Variants in ERC1 observed in about 807,000 individuals in gnomAD.
ERC1 encodes the protein ELKS/RAB6-interacting/CAST family member 1.
Under a neutral mutation model 132.0 loss-of-function variants are expected in ERC1, and 56 were observed. That is an observed-to-expected ratio of 0.42 (90% CI 0.34 to 0.53). ERC1 has a LOEUF of 0.53. Ranked by LOEUF, ERC1 falls within the 20% of genes least tolerant of loss-of-function variation. The pLI, the probability that ERC1 is intolerant of heterozygous loss-of-function variation, is 0.03. For synonymous variants in ERC1, 478 were observed against 476.1 expected (o/e 1.00, Z -0.05); for missense variants, 1,202 against 1,349.9 (o/e 0.89, Z 1.72).
At chr12:1,265,247 C>T (rs949337264) in intron 14 of ERC1, among the ~76,000 whole-genome samples, 4 of 152,124 alleles carry the variant, frequency 2.6e-5, no homozygotes, top group African/African-American at 9.7e-5. Context: ...TTTTCTTCTG[C>T]TTTGGCCTCA....
chr12:1,108,188 G>A (rs1945466335), intron 4 of ERC1, among the ~76,000 whole-genome samples: 1 of 152,114 alleles, frequency 6.6e-6, no homozygotes, highest in Admixed American at 6.5e-5. Flanking sequence ...TTTCAGAGCT[G>A]GAGTCATGAT....
chr12:1,450,935 T>C (rs1448455799), intron 18 of ERC1, among the ~76,000 whole-genome samples: 1 of 152,260 alleles, frequency 6.6e-6, no homozygotes. Context: ...CATGTGCTTA[T>C]TGGCCATTTC....
At chr12:1,000,417 C>T (rs529604119) in intron 1 of ERC1, among the ~76,000 whole-genome samples, 11 of 149,906 alleles carry the variant, frequency 7.3e-5, no homozygotes, top group African/African-American at 2.5e-4. Flanking sequence ...ACCCTGGAGG[C>T]GGAGGTTGCA....
chr12:1,241,185 C>T (rs2075766043), intron 13 of ERC1, among the ~76,000 whole-genome samples: 1 of 152,126 alleles, frequency 6.6e-6, no homozygotes, highest in Admixed American at 6.5e-5. Flanking sequence ...TCCCTATAGC[C>T]ACTTTGGTTC....
At chr12:1,320,705 T>C (rs1297120783) in intron 15 of ERC1, among the ~76,000 whole-genome samples, 2 of 152,082 alleles carry the variant, frequency 1.3e-5, no homozygotes, top group Non-Finnish European at 1.5e-5. Context: ...TTTTTTTGGT[T>C]TTTGTTGTTT....
chr12:1,495,727 G>T lies in ERC1; in HGVS notation c.*5497G>T. On this transcript the variant is annotated 3_prime_UTR_variant, in exon 19 of 19. Coordinates refer to ENST00000360905, the MANE Select transcript of ERC1 (RefSeq NM_178040.4). Reference sequence around the variant, plus strand: ...GGTAACAGTAGCAGCCTCCATGGTGGTGTCTGGGATGCACGTGCACCCGCT... The same window carrying T: ...GGTAACAGTAGCAGCCTCCATGGTGTTGTCTGGGATGCACGTGCACCCGCT... The T allele has an allele frequency of 4.5e-6, 1 of 224,686 alleles. No individual in the cohort carries two copies. 13.9% of individuals were successfully genotyped at this position (224,686 alleles called of 1,614,324 possible). A position where few individuals can be genotyped will look rare whatever the true frequency, so the allele number is the denominator to read the frequency against.
chr12:1,081,601 G>A (rs555212887), intron 2 of ERC1, among the ~76,000 whole-genome samples: 208 of 152,208 alleles, frequency 1.4e-3, no homozygotes, highest in African/African-American at 4.7e-3. Flanking sequence ...TCTAAGCCTC[G>A]TGCCCTCATT....
chr12:1,137,311 A>T (rs191627680), intron 7 of ERC1, among the ~76,000 whole-genome samples: 2 of 150,686 alleles, frequency 1.3e-5, no homozygotes, highest in Non-Finnish European at 3.0e-5. Context: ...GTTGGCCAGG[A>T]TGGTCTCTAT....
intron 1 of ERC1, chr12:998,443 T>C (rs1961411468): frequency 6.6e-6 from 1 of 152,210 alleles, no homozygotes; most frequent in African/African-American, 2.4e-5. Context: ...CATGCGGCAA[T>C]TGGCAGGCCT....
At chr12:1,350,756 A>T (rs565431944) in intron 15 of ERC1, among the ~76,000 whole-genome samples, 1 of 152,320 alleles carries the variant, frequency 6.6e-6, no homozygotes, top group South Asian at 2.1e-4. Context: ...TTATAATGTA[A>T]CAAGGTTTAT....
rs751768265 is a variant in ERC1, at chr12:1,028,477, C to T, written c.574C>T (p.Pro192Ser). The change falls in exon 2 of 19, where the codon CCA becomes TCA. Residue 192 changes from proline (P) to serine (S), a missense_variant. Pro to Ser is a moderately conservative substitution (Grantham distance 74). Transcript: ENST00000360905. ...GAATAGCATCAAGACCTTCTGGAGC[C>T]CAGAGCTGAAGAAGGAACGAGCCCT... ...SMNSIKTFWS[P>S]ELKKERALRK... 8 of 1,613,866 alleles carry T rather than the reference C, an allele frequency of 5.0e-6. No homozygotes were observed. The highest frequency in any genetic ancestry group is 6.8e-6 in the Non-Finnish European group (8 of 1,179,956).
chr12:1,289,151 G>A (rs1485203942), intron 14 of ERC1, among the ~76,000 whole-genome samples: 4 of 124,214 alleles, frequency 3.2e-5, no homozygotes, highest in Admixed American at 2.4e-4. Flanking sequence ...AGGTATATAG[G>A]GATATATTTC....
At chr12:1,396,276 G>A (rs1190427219) in intron 16 of ERC1, among the ~76,000 whole-genome samples, 2 of 152,104 alleles carry the variant, frequency 1.3e-5, no homozygotes, top group Admixed American at 6.5e-5. Flanking sequence ...TTTAATAAAG[G>A]AATTTTTATA....
At chr12:1,281,516 T>A (rs1445056920) in intron 14 of ERC1, among the ~76,000 whole-genome samples, 1 of 152,182 alleles carries the variant, frequency 6.6e-6, no homozygotes, top group African/African-American at 2.4e-5. Context: ...TTGCCACATC[T>A]TCTTTGTTAC....
At chr12:1,428,401 T>C (rs1337692245) in intron 17 of ERC1, among the ~76,000 whole-genome samples, 1 of 152,154 alleles carries the variant, frequency 6.6e-6, no homozygotes, top group Non-Finnish European at 1.5e-5. Flanking sequence ...GGTTTCTCCC[T>C]GCACCCTAAT....
At chr12:1,111,821 G>C (rs921774211) in intron 5 of ERC1, among the ~76,000 whole-genome samples, 1 of 151,910 alleles carries the variant, frequency 6.6e-6, no homozygotes, top group Non-Finnish European at 1.5e-5. Flanking sequence ...TGGCCAGGCA[G>C]GTCTCGAACT....
rs542577588 is a variant in ERC1, at chr12:1,180,303, G to A, written c.1738-237G>A. Among the ~76,000 whole-genome samples, 7 of 141,018 alleles carry A rather than the reference G, an allele frequency of 5.0e-5. No homozygotes were observed. In the South Asian group the frequency reaches 1.0e-3, roughly 21 times the overall value. 92.5% of individuals were successfully genotyped at this position (141,018 alleles called of 152,430 possible). On this transcript the variant is annotated intron_variant, in intron 8 of 18. Transcript: ENST00000360905. ...TGTGTGCGCGCACGCGTGTGCGCGC[G>A]CGCATACACATGTGTACTTTTTTTT...
At chr12:1,423,077 T>TAACAA (rs1565407017) in intron 17 of ERC1, among the ~76,000 whole-genome samples, 1 of 152,168 alleles carries the variant, frequency 6.6e-6, no homozygotes, top group Non-Finnish European at 1.5e-5. Flanking sequence ...CAACTCTTTG[T>TAACAA]AAACAGTCAT....
chr12:1,434,242 A>G (rs1173478779), intron 17 of ERC1, among the ~76,000 whole-genome samples: 2 of 152,186 alleles, frequency 1.3e-5, no homozygotes, highest in African/African-American at 4.8e-5. Flanking sequence ...CTAAAACTGG[A>G]CGTGGCTTCC....
Sources: allele counts gnomAD v4.1 joint callset (sites outside exome capture counted in the v4.1 genomes callset), GRCh38; gene constraint gnomAD v4.1.1; transcripts MANE v1.5; gene names NCBI Gene and HGNC (gene_info 2026-07-23, HGNC 2026-07-21).